EXOC6B: variants seen among roughly 807,000 people sequenced by gnomAD.
The protein encoded by EXOC6B is SEC15 homolog B.
In EXOC6B, 54 loss-of-function variants were observed where a neutral mutation model predicts 113.5. The ratio of observed to expected loss-of-function variants is 0.48; its 90% confidence interval spans 0.38 to 0.60. The LOEUF (loss-of-function observed/expected upper bound fraction) is 0.60, where lower values mean the gene tolerates loss of function less well. Ranked by LOEUF, EXOC6B falls within the 20% of genes least tolerant of loss-of-function variation. EXOC6B has a pLI of 0.00. For missense variants in EXOC6B, 797 were observed against 977.5 expected, an observed-to-expected ratio of 0.82 and a Z score of 2.46; for synonymous variants, 357 against 339.0, an observed-to-expected ratio of 1.05 and a Z score of -0.58.
At chr2:72,745,454 T>TA (rs892589089) in intron 1 of EXOC6B, among the ~76,000 whole-genome samples, 13 of 150,436 alleles carry the variant, frequency 8.6e-5, no homozygotes, top group South Asian at 2.1e-4. Context: ...TTTTGAGAAT[T>TA]AAAAAAAAAG....
At chr2:72,479,335 C>G (rs1558711422) in intron 17 of EXOC6B, among the ~76,000 whole-genome samples, 2 of 151,872 alleles carry the variant, frequency 1.3e-5, no homozygotes, top group Non-Finnish European at 2.9e-5. Context: ...GTAAGTCACA[C>G]CAAAAATTTT....
At chr2:72,675,235 A>G (rs933092993) in intron 6 of EXOC6B, among the ~76,000 whole-genome samples, 1 of 152,244 alleles carries the variant, frequency 6.6e-6, no homozygotes, top group Non-Finnish European at 1.5e-5. Context: ...TCTGTAACAC[A>G]AAACTGCCAC....
intron 6 of EXOC6B, among the ~76,000 whole-genome samples, chr2:72,590,902 A>G (rs1705906103): frequency 6.6e-6 from 1 of 152,014 alleles, no homozygotes; most frequent in Non-Finnish European, 1.5e-5. Context: ...AGTTGATCCC[A>G]ATTTCTTACA....
intron 8 of EXOC6B, among the ~76,000 whole-genome samples, chr2:72,539,891 C>T (rs1309091980): frequency 6.6e-6 from 1 of 151,376 alleles, no homozygotes; most frequent in Non-Finnish European, 1.5e-5. Context: ...TGGTGTGCTG[C>T]ACCCATTAAC....
At chr2:72,614,370 G>C (rs1671262565) in intron 6 of EXOC6B, among the ~76,000 whole-genome samples, 1 of 152,148 alleles carries the variant, frequency 6.6e-6, no homozygotes, top group Non-Finnish European at 1.5e-5. Context: ...AGGAGATAAA[G>C]AGGGGAATTT....
chr2:72,327,607 T>A (rs533782127), intron 20 of EXOC6B, among the ~76,000 whole-genome samples: 139 of 152,254 alleles, frequency 9.1e-4, no homozygotes, highest in African/African-American at 3.2e-3. Context: ...TGATTTTCTA[T>A]ACCAAAGATT....
At chr2:72,815,441 A>C (rs1455855191) in intron 1 of EXOC6B, among the ~76,000 whole-genome samples, 1 of 151,750 alleles carries the variant, frequency 6.6e-6, no homozygotes, top group African/African-American at 2.4e-5. Context: ...CAGTGAGCCA[A>C]GATTGCCCAC....
chr2:72,340,454 G>A (rs1206746818), intron 19 of EXOC6B, among the ~76,000 whole-genome samples: 1 of 152,026 alleles, frequency 6.6e-6, no homozygotes, highest in Non-Finnish European at 1.5e-5. Context: ...GCAATTTTGG[G>A]AGAAAAAATA....
At chr2:72,261,557 C>T (rs550539780) in intron 20 of EXOC6B, among the ~76,000 whole-genome samples, 4 of 152,240 alleles carry the variant, frequency 2.6e-5, no homozygotes, top group South Asian at 4.2e-4. Context: ...TTTCTGCTGG[C>T]ATGCCTCTAG....
At chr2:72,399,616 C>A (rs901312833) in intron 18 of EXOC6B, among the ~76,000 whole-genome samples, 2 of 152,062 alleles carry the variant, frequency 1.3e-5, no homozygotes, top group African/African-American at 4.8e-5. Flanking sequence ...AATCAATGTA[C>A]AAAAATCAGT....
At chr2:72,681,248 G>T (rs1383200409) in intron 6 of EXOC6B, among the ~76,000 whole-genome samples, 1 of 151,996 alleles carries the variant, frequency 6.6e-6, no homozygotes, top group Non-Finnish European at 1.5e-5. Context: ...TATTCTCTTT[G>T]CCTGGAATAG....
chr2:72,573,533 CT>C (rs1217058087), intron 7 of EXOC6B, among the ~76,000 whole-genome samples: 10 of 152,170 alleles, frequency 6.6e-5, no homozygotes, highest in Non-Finnish European at 8.8e-5. Flanking sequence ...CTATCTCTTT[CT>C]ATCTCCATGA....
intron 6 of EXOC6B, among the ~76,000 whole-genome samples, chr2:72,661,072 T>C (rs1674976033): frequency 1.3e-5 from 2 of 152,102 alleles, no homozygotes; most frequent in Non-Finnish European, 2.9e-5. Context: ...GCTCAAACTC[T>C]AAGGGAGGAA....
intron 21 of EXOC6B, among the ~76,000 whole-genome samples, chr2:72,181,196 G>A (rs1287843685): frequency 2.4e-5 from 3 of 126,666 alleles, no homozygotes; most frequent in African/African-American, 3.6e-5. Flanking sequence ...GTGGCAGAGC[G>A]AGACTCCGTC....
At chr2:72,727,643 T>A (rs1373474551) in intron 5 of EXOC6B, among the ~76,000 whole-genome samples, 1 of 152,172 alleles carries the variant, frequency 6.6e-6, no homozygotes, top group Non-Finnish European at 1.5e-5. Flanking sequence ...AGGAACCACA[T>A]TAAAGTAATT....
chr2:72,801,532 T>C (rs937333991), intron 1 of EXOC6B, among the ~76,000 whole-genome samples: 4 of 152,190 alleles, frequency 2.6e-5, no homozygotes, highest in Non-Finnish European at 5.9e-5. Context: ...GTCTCTATCC[T>C]GCAGTAAAGG....
At chr2:72,483,499 A>G (rs1462402798) in intron 16 of EXOC6B, among the ~76,000 whole-genome samples, 5 of 152,232 alleles carry the variant, frequency 3.3e-5, no homozygotes, top group Non-Finnish European at 7.3e-5. Context: ...CACTGGGTAC[A>G]GTAGTAATTT....
At chr2:72,209,298 G>A (rs1680040646) in intron 20 of EXOC6B, among the ~76,000 whole-genome samples, 1 of 149,790 alleles carries the variant, frequency 6.7e-6, no homozygotes, top group African/African-American at 2.5e-5. Context: ...TTACTTAGTT[G>A]TCTCTCCCTT....
chr2:72,639,045 G>A (rs1466508984), intron 6 of EXOC6B, among the ~76,000 whole-genome samples: 1 of 152,166 alleles, frequency 6.6e-6, no homozygotes, highest in Non-Finnish European at 1.5e-5. Context: ...CAGCCCCTGT[G>A]ACCATGCACT....
Sources: gnomAD v4.1 joint callset for allele counts (sites outside exome capture counted in the v4.1 genomes callset) on GRCh38, gnomAD v4.1.1 for gene constraint, MANE v1.5 for transcripts, NCBI Gene and HGNC (gene_info 2026-07-23, HGNC 2026-07-21) for gene names.